CCDC9: variants seen among roughly 807,000 people sequenced by gnomAD.
CCDC9 encodes coiled-coil domain containing 9.
In CCDC9, 52 loss-of-function variants were observed where a neutral mutation model predicts 65.6. That is an observed-to-expected ratio of 0.79 (90% CI 0.63 to 1.00). The LOEUF is 1.00. CCDC9 is among the 50% of genes least tolerant of loss of function. CCDC9 has a pLI of 0.00. For missense variants in CCDC9, 834 were observed against 757.2 expected (o/e 1.10, Z -1.19); for synonymous variants, 332 against 280.3 (o/e 1.18, Z -1.84).
chr19:47,259,835 CAG>C (rs1165918326), intron 3 of CCDC9, among the ~76,000 whole-genome samples: 8 of 152,098 alleles, frequency 5.3e-5, no homozygotes, highest in South Asian at 2.1e-4. Context: ...GGGATGAGAA[CAG>C]AGAGGGTGGC....
chr19:47,258,500 A>T, intron 2 of CCDC9, 59 bp from the exon 3 acceptor site: 1 of 1,604,098 alleles, frequency 6.2e-7, no homozygotes. Context: ...CCCTGGGGGA[A>T]AGTCCCTGGT....
chr19:47,274,853 T>C, downstream of CCDC9: 2 of 840,110 alleles, frequency 2.4e-6, no homozygotes, highest in Non-Finnish European at 2.7e-6. Flanking sequence ...GTCTGCGGGG[T>C]GGGGGCGGGG....
At chr19:47,260,557 G>T in intron 4 of CCDC9, 31 bp from the exon 5 acceptor site, 1 of 1,547,126 alleles carries the variant, frequency 6.5e-7, no homozygotes, top group South Asian at 1.2e-5. Flanking sequence ...CTGCCCCAGT[G>T]ACTGTATTTT....
intron 8 of CCDC9, among the ~76,000 whole-genome samples, chr19:47,268,139 G>A (rs1363133206): frequency 3.3e-5 from 5 of 151,974 alleles, no homozygotes; most frequent in Non-Finnish European, 7.4e-5. Flanking sequence ...GAGCCACCGC[G>A]CCCGGCACCA....
intron 8 of CCDC9, among the ~76,000 whole-genome samples, chr19:47,267,331 T>G (rs1409006669): frequency 6.6e-6 from 1 of 152,010 alleles, no homozygotes; most frequent in Non-Finnish European, 1.5e-5. Context: ...CTGGATGGAG[T>G]GCAGTGGGAG....
intron 3 of CCDC9, 117 bp from the exon 4 acceptor site, chr19:47,260,204 C>CA: frequency 2.9e-6 from 2 of 700,382 alleles, no homozygotes; most frequent in Non-Finnish European, 5.0e-6. Context: ...CCTTCTTGTT[C>CA]AGAGTCCAGG....
chr19:47,261,488 C>T (rs927157622), intron 5 of CCDC9, among the ~76,000 whole-genome samples: 1 of 152,068 alleles, frequency 6.6e-6, no homozygotes, highest in African/African-American at 2.4e-5. Flanking sequence ...CTGTGAGCTA[C>T]CTGGCCTTGG....
chr19:47,261,061 C>T (rs933443443), intron 5 of CCDC9, among the ~76,000 whole-genome samples: 2 of 151,830 alleles, frequency 1.3e-5, no homozygotes, highest in African/African-American at 4.8e-5. Context: ...GCCTAGAGCT[C>T]GTGTGTTTTT....
chr19:47,259,074 C>T (rs1291529832), intron 3 of CCDC9, among the ~76,000 whole-genome samples: 3 of 152,136 alleles, frequency 2.0e-5, no homozygotes, highest in South Asian at 2.1e-4. Flanking sequence ...GGGAGGGCTT[C>T]CTGGAGGAGT....
intron 7 of CCDC9, among the ~76,000 whole-genome samples, chr19:47,265,288 C>A (rs996471670): frequency 1.3e-5 from 2 of 152,118 alleles, no homozygotes; most frequent in Admixed American, 6.6e-5. Flanking sequence ...CTCCTGACCT[C>A]AAGTGATCCA....
At chr19:47,272,457 C>T (rs965299543), downstream of CCDC9, among the ~76,000 whole-genome samples, 13 of 152,056 alleles carry the variant, frequency 8.5e-5, no homozygotes, top group Non-Finnish European at 1.8e-4. Flanking sequence ...TTGGAAAGCA[C>T]TGGTTTAAGA....
At chr19:47,275,198 C>T (rs959628410), downstream of CCDC9, 20 of 1,514,398 alleles carry the variant, frequency 1.3e-5, no homozygotes, top group Middle Eastern at 2.1e-4. Context: ...CTGCCTCCCT[C>T]TCCTGCCTCC....
At chr19:47,270,755 T>A in intron 10 of CCDC9, 67 bp downstream of exon 10, 2 of 1,493,668 alleles carry the variant, frequency 1.3e-6, no homozygotes, top group Non-Finnish European at 1.8e-6. Flanking sequence ...CTTCTTTGGC[T>A]TGCTGTGAAG....
chr19:47,259,063 A>G (rs376955059), intron 3 of CCDC9, among the ~76,000 whole-genome samples: 4 of 152,320 alleles, frequency 2.6e-5, no homozygotes, highest in African/African-American at 7.2e-5. Flanking sequence ...TGGGGATATC[A>G]GGGAGGGCTT....
chr19:47,260,557 G>A, intron 4 of CCDC9, 31 bp from the exon 5 acceptor site: 1 of 1,547,126 alleles, frequency 6.5e-7, no homozygotes, highest in South Asian at 1.2e-5. Context: ...CTGCCCCAGT[G>A]ACTGTATTTT....
chr19:47,274,015 C>T (rs1420026332), downstream of CCDC9: 7 of 981,210 alleles, frequency 7.1e-6, no homozygotes, highest in Non-Finnish European at 8.5e-6. Flanking sequence ...GAAGCTTCCC[C>T]GCCTTGATGG....
intron 5 of CCDC9, among the ~76,000 whole-genome samples, chr19:47,263,012 A>T (rs2059055757): frequency 6.6e-6 from 1 of 151,278 alleles, no homozygotes; most frequent in Non-Finnish European, 1.5e-5. Context: ...ATCACTTGGG[A>T]GGCTGAGCCT....
intron 7 of CCDC9, among the ~76,000 whole-genome samples, chr19:47,266,080 C>T (rs1182328261): frequency 7.0e-6 from 1 of 142,574 alleles, no homozygotes; most frequent in East Asian, 2.2e-4. Context: ...ACTGCAAGCT[C>T]TGCCTCCTGG....
Position 47,258,316 on chromosome 19 carries a change from C to T in CCDC9, c.-71-14C>T, listed in dbSNP as rs1225221559. 14 of 1,477,502 alleles carry T rather than the reference C, an allele frequency of 9.5e-6. No individual in the cohort carries two copies. The highest frequency in any genetic ancestry group is 8.8e-5 in the Admixed American group (5 of 57,042). 91.5% of individuals were successfully genotyped at this position (1,477,502 alleles called of 1,614,324 possible). A position where few individuals can be genotyped will look rare whatever the true frequency, so the allele number is the denominator to read the frequency against. On this transcript the variant is annotated splice_polypyrimidine_tract_variant and intron_variant, in intron 1 of 11. Transcript: ENST00000221922. The stretch of plus-strand genomic sequence containing the variant: ...GGCCATTGGCCTTTGTCCTTTTTTT[C>T]CCTCTGTCCCCAGGAACCCTCAGTG...
Sources: allele counts gnomAD v4.1 joint callset (sites outside exome capture counted in the v4.1 genomes callset), GRCh38; gene constraint gnomAD v4.1.1; transcripts MANE v1.5; gene names NCBI Gene and HGNC (gene_info 2026-07-23, HGNC 2026-07-21).